Variants in PAPPA2 observed in about 807,000 individuals in gnomAD.
PAPPA2 encodes pappalysin 2.
PAPPA2 carries 86 observed loss-of-function variants against 176.4 expected under a neutral mutation model. The observed-to-expected ratio is 0.49, with a 90% CI of 0.41 to 0.58. PAPPA2 has a LOEUF of 0.58. PAPPA2 is among the 20% of genes least tolerant of loss of function. The probability of loss-of-function intolerance (pLI) is 0.00; values close to 1 mark genes in which losing one functional copy is unlikely to be tolerated. For synonymous variants in PAPPA2, 809 were observed against 852.2 expected (o/e 0.95, Z 0.88); for missense variants, 2,073 against 2,256.9 (o/e 0.92, Z 1.65).
intron 17 of PAPPA2, among the ~76,000 whole-genome samples, chr1:176,778,946 C>T (rs1664581966): frequency 1.3e-5 from 2 of 152,104 alleles, no homozygotes; most frequent in Admixed American, 1.3e-4. Flanking sequence ...TGAATCTCTG[C>T]CCCAAGACTT....
At chr1:176,623,789 T>TTCTA in intron 3 of PAPPA2, among the ~76,000 whole-genome samples, 1 of 120,754 alleles carries the variant, frequency 8.3e-6, no homozygotes, top group Non-Finnish European at 1.7e-5. Flanking sequence ...CTTTCTTTCT[T>TTCTA]TCTTTCTTTC....
intron 17 of PAPPA2, among the ~76,000 whole-genome samples, chr1:176,785,756 G>A (rs1394431134): frequency 6.6e-6 from 1 of 152,102 alleles, no homozygotes; most frequent in Admixed American, 6.6e-5. Context: ...ATCCAAGTTT[G>A]ATCTGTCTAC....
At chr1:176,607,218 T>G (rs181304384) in intron 3 of PAPPA2, among the ~76,000 whole-genome samples, 3 of 152,314 alleles carry the variant, frequency 2.0e-5, no homozygotes, top group African/African-American at 7.2e-5. Flanking sequence ...TTGAGAACAA[T>G]TCAAGCTCCT....
intron 5 of PAPPA2, chr1:176,690,678 T>C (rs1296345597): frequency 2.3e-6 from 3 of 1,286,264 alleles, no homozygotes; most frequent in Admixed American, 3.7e-5. Context: ...TATACTTCTA[T>C]CCTCGATAGT....
intron 3 of PAPPA2, among the ~76,000 whole-genome samples, chr1:176,619,511 T>C (rs1047730335): frequency 5.3e-5 from 8 of 152,218 alleles, no homozygotes. Context: ...CAATGTCTAC[T>C]ATGGATACAG....
At chr1:176,554,972 AGT>A (rs561289002) in intron 1 of PAPPA2, among the ~76,000 whole-genome samples, 75 of 140,882 alleles carry the variant, frequency 5.3e-4, no homozygotes, top group South Asian at 1.4e-3. Context: ...GTTCACAGTA[AGT>A]GTGTGTGTGT....
intron 2 of PAPPA2, among the ~76,000 whole-genome samples, chr1:176,575,089 A>G (rs939395241): frequency 6.6e-6 from 1 of 152,160 alleles, no homozygotes; most frequent in African/African-American, 2.4e-5. Context: ...GCCTAAAGCC[A>G]TGTTTATTCT....
At chr1:176,770,647 C>A (rs1397403987) in intron 16 of PAPPA2, among the ~76,000 whole-genome samples, 1 of 152,156 alleles carries the variant, frequency 6.6e-6, no homozygotes, top group East Asian at 1.9e-4. Context: ...TTAATGCTTT[C>A]TATGATAACA....
intron 2 of PAPPA2, among the ~76,000 whole-genome samples, chr1:176,591,711 C>T (rs1021346820): frequency 2.6e-5 from 4 of 152,096 alleles, no homozygotes; most frequent in African/African-American, 4.8e-5. Flanking sequence ...AACAGGTCCT[C>T]GTTTATCCTA....
intron 21 of PAPPA2, among the ~76,000 whole-genome samples, chr1:176,814,040 AAT>A (rs1459285360): frequency 6.6e-6 from 1 of 152,182 alleles, no homozygotes. Flanking sequence ...TTAAAAAGGG[AAT>A]CCATTCCTCA....
chr1:176,542,445 G>A (rs987895496), intron 1 of PAPPA2, among the ~76,000 whole-genome samples: 2 of 152,220 alleles, frequency 1.3e-5, no homozygotes, highest in African/African-American at 4.8e-5. Flanking sequence ...CTTCCTCTGT[G>A]CTGGATCCAT....
chr1:176,695,706 C>A (rs12138725), intron 6 of PAPPA2, 32 bp from the exon 7 acceptor site: 392,467 of 1,610,346 alleles, frequency 0.24, 50,098 homozygotes, highest in South Asian at 0.34. Context: ...GGACTCTCCT[C>A]ATCTCCCATC....
chr1:176,714,232 A>T (rs1263394024), intron 12 of PAPPA2, among the ~76,000 whole-genome samples: 2 of 152,234 alleles, frequency 1.3e-5, no homozygotes, highest in Admixed American at 1.3e-4. Context: ...ATGCTAAAAA[A>T]TCTAATTCAA....
At chr1:176,810,446 G>A (rs547507519) in intron 21 of PAPPA2, among the ~76,000 whole-genome samples, 2 of 152,204 alleles carry the variant, frequency 1.3e-5, no homozygotes, top group African/African-American at 4.8e-5. Flanking sequence ...AGATCATCAG[G>A]CATTATTTAG....
At chr1:176,753,903 G>A (rs1303077822) in intron 14 of PAPPA2, among the ~76,000 whole-genome samples, 2 of 151,950 alleles carry the variant, frequency 1.3e-5, no homozygotes, top group Non-Finnish European at 2.9e-5. Context: ...AAATAAGAAG[G>A]AAGAAGGAAA....
intron 12 of PAPPA2, among the ~76,000 whole-genome samples, chr1:176,737,065 A>G (rs1373706653): frequency 1.3e-5 from 2 of 152,068 alleles, no homozygotes; most frequent in African/African-American, 2.4e-5. Context: ...TTGTAAATAC[A>G]CTAATTTTTT....
chr1:176,695,460 A>G (rs1442516422), intron 6 of PAPPA2, among the ~76,000 whole-genome samples: 1 of 152,176 alleles, frequency 6.6e-6, no homozygotes, highest in Non-Finnish European at 1.5e-5. Context: ...TACTGTTCCT[A>G]GGACAGAAAA....
intron 1 of PAPPA2, among the ~76,000 whole-genome samples, chr1:176,477,142 T>C (rs1420895951): frequency 6.6e-6 from 1 of 152,200 alleles, no homozygotes; most frequent in Non-Finnish European, 1.5e-5. Flanking sequence ...GACAGTTTTT[T>C]ATTCCTTTAT....
chr1:176,789,942 C>A lies in PAPPA2; in HGVS notation c.4849C>A (p.Gln1617Lys), dbSNP rs762875912. 76 of 1,614,028 alleles carry A rather than the reference C, an allele frequency of 4.7e-5. 1 individual carries two copies. Among genetic ancestry groups the A allele is most frequent in the Middle Eastern group, 3.3e-4 (2 of 6,082 alleles). ...TACCAATGGCTTCAGCCTGGACAGC[C>A]AGTGTGTGCTCAACTGTAACCAGGA... ...ECTNGFSLDSQCVLNCNQERE... is the reference protein window; with the variant it reads ...ECTNGFSLDSKCVLNCNQERE... Residue 1617 changes from glutamine to lysine, a missense_variant, in exon 18 of 23, where the codon CAG becomes AAG. This residue lies in a region of PAPPA2 where 846 missense variants were observed against 857.9 expected (regional missense o/e 0.99). Coordinates refer to ENST00000367662, the MANE Select transcript of PAPPA2 (RefSeq NM_020318.3).
Sources: gnomAD v4.1 joint callset for allele counts (sites outside exome capture counted in the v4.1 genomes callset) on GRCh38, gnomAD v4.1.1 for gene constraint, gnomAD v4.1.1 regional missense constraint, MANE v1.5 for transcripts, NCBI Gene and HGNC (gene_info 2026-07-23, HGNC 2026-07-21) for gene names.